Variants in TRPM7 observed in about 807,000 individuals in gnomAD.
TRPM7 encodes LTRPC ion channel family member 7.
In TRPM7, 134 loss-of-function variants were observed where a neutral mutation model predicts 229.7. That is an observed-to-expected ratio of 0.58 (90% CI 0.51 to 0.67). The LOEUF is 0.67. Among genes scored for constraint, TRPM7 ranks in the 30% least tolerant of loss-of-function variants. The pLI is 0.00. For missense variants in TRPM7, 1,901 were observed against 2,210.0 expected (o/e 0.86, Z 2.80); for synonymous variants, 699 against 715.2 (o/e 0.98, Z 0.36).
chr15:50,654,431 A>T (rs924407464), intron 3 of TRPM7, among the ~76,000 whole-genome samples: 7 of 151,436 alleles, frequency 4.6e-5, no homozygotes, highest in Non-Finnish European at 1.0e-4. Flanking sequence ...TGGGCAACAG[A>T]ACAAGACACC....
chr15:50,666,977 C>T (rs1322651705), intron 1 of TRPM7, among the ~76,000 whole-genome samples: 1 of 152,092 alleles, frequency 6.6e-6, no homozygotes, highest in Non-Finnish European at 1.5e-5. Context: ...TATGGATTCG[C>T]CTCAAATTCT....
intron 36 of TRPM7, among the ~76,000 whole-genome samples, chr15:50,570,918 C>G (rs1287862323): frequency 6.6e-6 from 1 of 151,774 alleles, no homozygotes; most frequent in African/African-American, 2.4e-5. Flanking sequence ...AAACCACACA[C>G]ATTAACACAT....
chr15:50,664,176 T>C (rs2061816870), intron 1 of TRPM7, among the ~76,000 whole-genome samples: 3 of 151,810 alleles, frequency 2.0e-5, no homozygotes, highest in African/African-American at 7.2e-5. Context: ...CGTGTGCCTG[T>C]AATCCCAGCT....
chr15:50,625,940 T>C (rs972908378), intron 11 of TRPM7, among the ~76,000 whole-genome samples: 6 of 152,224 alleles, frequency 3.9e-5, no homozygotes, highest in African/African-American at 1.4e-4. Context: ...ATTTCCTTCT[T>C]TCTCTTATCA....
At chr15:50,570,476 A>G (rs2053823165) in intron 36 of TRPM7, among the ~76,000 whole-genome samples, 2 of 152,162 alleles carry the variant, frequency 1.3e-5, no homozygotes, top group Non-Finnish European at 2.9e-5. Context: ...GGTCTGGTCA[A>G]TCTGCCCTTG....
At chr15:50,562,846 A>AGG (rs920974890) in intron 38 of TRPM7, among the ~76,000 whole-genome samples, 4 of 152,020 alleles carry the variant, frequency 2.6e-5, no homozygotes, top group Non-Finnish European at 2.9e-5. Context: ...AAGATGGTAT[A>AGG]GGGTGATTGT....
chr15:50,670,485 G>C (rs1389660227), intron 1 of TRPM7, among the ~76,000 whole-genome samples: 1 of 152,066 alleles, frequency 6.6e-6, no homozygotes, highest in Non-Finnish European at 1.5e-5. Flanking sequence ...CTTCCTCACT[G>C]CTCATTATAT....
Position 50,609,654 on chromosome 15 carries a change from G to A in TRPM7, c.2507C>T (p.Ser836Leu). Reference protein sequence around the residue: ...GKNEMEIQMKSKKLPITRKFY... With the variant: ...GKNEMEIQMKLKKLPITRKFY... ...CTTTCGCGTAATTGGAAGCTTTTTT[G>A]ATTTCATTTGTATCTCCATCTCATT... The change falls in exon 19 of 39, where the codon TCA (serine) becomes TTA (leucine). Residue 836 changes from serine to leucine, a missense_variant. Transcript: ENST00000646667. 1.2e-6 allele frequency: 2 copies of A among 1,611,402 alleles called. No homozygotes were observed. Among genetic ancestry groups the A allele is most frequent in the Non-Finnish European group, 1.7e-6 (2 of 1,178,836 alleles).
rs933637465 is a variant in TRPM7 at position 50,594,773 on chromosome 15, G to A, written c.3291-160C>T. ...AAATGAGAAACTAGAAAAGATACAG[G>A]CAGTAAGTATAAGGCAAAGACTAAC... On this transcript the variant is annotated intron_variant, in intron 23 of 38. Transcript: ENST00000646667. Among the ~76,000 whole-genome samples the A allele has an allele frequency of 1.3e-5, 2 of 151,920 alleles. 1 individual carries two copies. The highest frequency in any genetic ancestry group is 2.9e-5 in the Non-Finnish European group (2 of 68,000).
At chr15:50,615,112 G>A (rs1437569864) in intron 13 of TRPM7, among the ~76,000 whole-genome samples, 2 of 142,072 alleles carry the variant, frequency 1.4e-5, no homozygotes, top group Admixed American at 7.4e-5. Context: ...GCAGTGAGCC[G>A]AGATAGTGCC....
chr15:50,648,519 G>T (rs2061332075), intron 4 of TRPM7, among the ~76,000 whole-genome samples, 168 bp downstream of exon 4: 1 of 152,096 alleles, frequency 6.6e-6, no homozygotes, highest in Admixed American at 6.6e-5. Flanking sequence ...AATGATGAAA[G>T]GTTCAATCCA....
In TRPM7 at chr15:50,607,334, G is replaced by A. The variant is rs1457676442; in HGVS notation, c.2581-6C>T. The A allele has an allele frequency of 2.6e-6, 4 of 1,554,272 alleles. No individual in the cohort carries two copies. Among genetic ancestry groups the A allele is most frequent in the Admixed American group, 2.1e-5 (1 of 48,002 alleles). On this transcript the variant is annotated splice_region_variant and splice_polypyrimidine_tract_variant and intron_variant, in intron 19 of 38. Coordinates refer to ENST00000646667, the MANE Select transcript of TRPM7 (RefSeq NM_017672.6). Reference sequence around the variant, plus strand: ...AGAAATCCTAAATATGCCAACTAATGAAAAAGTAAAGGTTACATAAATAAC... The same window carrying A: ...AGAAATCCTAAATATGCCAACTAATAAAAAAGTAAAGGTTACATAAATAAC...
Position 50,607,270 on chromosome 15 carries a change from T to G in TRPM7, c.2639A>C (p.Gln880Pro). The change falls in exon 20 of 39, where the codon CAG becomes CCG. Residue 880 changes from glutamine to proline, a missense_variant. By Grantham distance (76) the Gln-to-Pro change is moderately conservative (BLOSUM62 -1). This residue lies in a region of TRPM7 where 207 missense variants were observed against 241.5 expected (regional missense o/e 0.86). Transcript: ENST00000646667. ...AATCCATTCTTGAACTGAAGGTAAC[T>G]GTTCCATTTGTACAAGAACCACAAA... is the stretch of plus-strand genomic sequence containing the variant. The part of the protein sequence containing the change: ...YTFVVLVQME[Q>P]LPSVQEWIVI... 1 of 1,608,108 alleles carries G rather than the reference T, an allele frequency of 6.2e-7. No individual in the cohort carries two copies. Among genetic ancestry groups the G allele is most frequent in the African/African-American group, 1.3e-5 (1 of 74,950 alleles).
At chr15:50,653,706 G>A (rs72740457) in intron 3 of TRPM7, among the ~76,000 whole-genome samples, 4,389 of 152,208 alleles carry the variant, frequency 0.029, 99 homozygotes, top group Non-Finnish European at 0.044. Flanking sequence ...TGTTGAAACA[G>A]TTGGAATTTG....
At chr15:50,591,814 A>T (rs2059502433) in intron 26 of TRPM7, 97 bp downstream of exon 26, 2 of 908,944 alleles carry the variant, frequency 2.2e-6, no homozygotes, top group East Asian at 5.7e-5. Context: ...ATTATACTCT[A>T]TGAAAAGATA....
In TRPM7 at chr15:50,648,768, C is replaced by T. The variant is rs764489290; in HGVS notation, c.240G>A (p.Val80=). Residue 80 remains valine (V), a synonymous_variant, in exon 4 of 39, where the codon GTG becomes GTA. Coordinates refer to ENST00000646667, the MANE Select transcript of TRPM7 (RefSeq NM_017672.6). ...HFNQAIEEWS[V]EKHTEQSPTD... The stretch of plus-strand genomic sequence containing the variant: ...TTGGGCTCTGTTCTGTATGCTTTTC[C>T]ACAGACCATTCTTCTATTGCCTGAT... 1 of 1,613,614 alleles carries T rather than the reference C, an allele frequency of 6.2e-7. No individual in the cohort carries two copies. Among genetic ancestry groups the T allele is most frequent in the East Asian group, 2.2e-5 (1 of 44,850 alleles).
chr15:50,641,061 C>T (rs948812797), intron 5 of TRPM7, among the ~76,000 whole-genome samples: 2 of 152,162 alleles, frequency 1.3e-5, no homozygotes, highest in Admixed American at 1.3e-4. Flanking sequence ...CACATCTCAT[C>T]CCTCACCCAA....
At chr15:50,575,247 C>G in intron 33 of TRPM7, 112 bp from the exon 34 acceptor site, 1 of 854,584 alleles carries the variant, frequency 1.2e-6, no homozygotes, top group South Asian at 2.2e-5. Flanking sequence ...TAAAATGGAC[C>G]AAGATGTAGT....
chr15:50,600,549 C>T (rs1374906641), intron 21 of TRPM7, among the ~76,000 whole-genome samples: 2 of 151,822 alleles, frequency 1.3e-5, no homozygotes, highest in Admixed American at 6.6e-5. Context: ...AAGCCTCATG[C>T]AAAAGAGAAT....
Sources: gnomAD v4.1 joint callset for allele counts (sites outside exome capture counted in the v4.1 genomes callset) on GRCh38, gnomAD v4.1.1 for gene constraint, gnomAD v4.1.1 regional missense constraint, MANE v1.5 for transcripts, NCBI Gene and HGNC (gene_info 2026-07-23, HGNC 2026-07-21) for gene names.